The following BPHL variants were observed in gnomAD, a reference collection of about 807,000 sequenced individuals.
BPHL encodes the protein serine hydrolase BPHL.
BPHL carries 27 observed loss-of-function variants against 31.2 expected under a neutral mutation model. The observed-to-expected ratio is 0.87, with a 90% confidence interval of 0.64 to 1.19. The LOEUF (loss-of-function observed/expected upper bound fraction) is 1.19, where lower values mean the gene tolerates loss of function less well. Among genes scored for constraint, BPHL ranks in the 50% most tolerant of loss-of-function variants. BPHL has a pLI of 0.00. For missense variants in BPHL, 356 were observed against 375.7 expected (o/e 0.95, Z 0.43); for synonymous variants, 150 against 146.8 (o/e 1.02, Z -0.16).
At chr6:3,146,538 GT>G (rs2113776670) in intron 6 of BPHL, among the ~76,000 whole-genome samples, 1 of 109,912 alleles carries the variant, frequency 9.1e-6, no homozygotes, top group Non-Finnish European at 1.9e-5. Flanking sequence ...GCTGGTTTGG[GT>G]CGAGTGCTGG....
chr6:3,121,042 C>T (rs1761555447), intron 1 of BPHL, among the ~76,000 whole-genome samples: 1 of 152,158 alleles, frequency 6.6e-6, no homozygotes. Context: ...TCCTGCCTTG[C>T]AGCGTTTTTG....
intron 4 of BPHL, among the ~76,000 whole-genome samples, chr6:3,135,630 T>C (rs1308959492): frequency 6.6e-6 from 1 of 152,236 alleles, no homozygotes; most frequent in Non-Finnish European, 1.5e-5. Flanking sequence ...AGCGGACTTT[T>C]GTAAACCTCG....
At chr6:3,119,216 G>A in intron 1 of BPHL, 1 of 1,397,876 alleles carries the variant, frequency 7.2e-7, no homozygotes, top group Non-Finnish European at 9.8e-7. Flanking sequence ...GCCCTCATTA[G>A]TCCATTGCTC....
chr6:3,138,867 C>A (rs570337154), intron 5 of BPHL: 3 of 152,188 alleles, frequency 2.0e-5, no homozygotes, highest in Admixed American at 6.5e-5. Context: ...TTCAAAAATA[C>A]GTTCATGATA....
intron 2 of BPHL, among the ~76,000 whole-genome samples, chr6:3,125,577 C>T (rs1761690504): frequency 6.6e-6 from 1 of 152,046 alleles, no homozygotes; most frequent in South Asian, 2.1e-4. Flanking sequence ...GAGCAAATGC[C>T]TTCTTGTTTC....
At chr6:3,137,843 T>C (rs1429683111) in intron 5 of BPHL, among the ~76,000 whole-genome samples, 1 of 152,154 alleles carries the variant, frequency 6.6e-6, no homozygotes, top group Non-Finnish European at 1.5e-5. Flanking sequence ...AATTCGAAAA[T>C]AAATAGGCCA....
chr6:3,121,729 C>G (rs1163503819), intron 1 of BPHL, among the ~76,000 whole-genome samples: 1 of 152,178 alleles, frequency 6.6e-6, no homozygotes, highest in Non-Finnish European at 1.5e-5. Flanking sequence ...TCATTGATGC[C>G]CCTTTAATAA....
In BPHL at chr6:3,140,077, C is replaced by G; in HGVS notation, c.665-309C>G. 1 of 327,344 alleles carries G rather than the reference C, an allele frequency of 3.1e-6. No individual in the cohort carries two copies. Among genetic ancestry groups the G allele is most frequent in the Non-Finnish European group, 5.7e-6 (1 of 175,816 alleles). The allele number at this position is 327,344 out of a possible 1,614,324, so 20.3% of individuals were successfully genotyped here. On this transcript the variant is annotated intron_variant, in intron 5 of 6. Transcript: ENST00000380379. This position sits in a 1 kb window ranked among gnomAD's most constrained non-coding sequence, Gnocchi z 5.2. ...CCACTGTTTTCACGGTGGGAACCGC[C>G]ACTGTGGAATATAGTGGTGGGGTGT...
At chr6:3,139,177 G>T (rs1762098490) in intron 5 of BPHL, 1 of 152,200 alleles carries the variant, frequency 6.6e-6, no homozygotes, top group Non-Finnish European at 1.5e-5. Flanking sequence ...GGGATTAAAT[G>T]AGGTATTATC....
Position 3,129,161 on chromosome 6 carries a change from C to A in BPHL, c.495C>A (p.Asn165Lys). The change falls in exon 4 of 7, where the codon AAC becomes AAA. Residue 165 changes from asparagine (N) to lysine (K), a missense_variant. Coordinates refer to ENST00000380379, the MANE Select transcript of BPHL (RefSeq NM_004332.4). ...ACAAGATGGTGATCTGGGGCGCCAA[C>A]GCCTACGTCACTGACGAAGACAGCA... ...YIHKMVIWGA[N>K]AYVTDEDSMI... is the part of the protein sequence containing the mutation. 1 of 1,608,450 alleles carries A rather than the reference C, an allele frequency of 6.2e-7. No homozygotes were observed. Among genetic ancestry groups the A allele is most frequent in the Non-Finnish European group, 8.5e-7 (1 of 1,176,840 alleles).
chr6:3,122,220 C>G (rs1030078168), intron 1 of BPHL, among the ~76,000 whole-genome samples: 1 of 152,170 alleles, frequency 6.6e-6, no homozygotes, highest in African/African-American at 2.4e-5. Context: ...GTGGAACTTG[C>G]AGTGAGCCGA....
Position 3,123,766 on chromosome 6 carries a change from G to C in BPHL, c.211+6G>C, listed in dbSNP as rs148330342. 35 of 1,605,572 alleles carry C rather than the reference G, an allele frequency of 2.2e-5. No individual in the cohort carries two copies. The highest frequency in any genetic ancestry group is 3.0e-5 in the Non-Finnish European group (35 of 1,174,366). On this transcript the variant is annotated splice_donor_region_variant and intron_variant, in intron 2 of 6. Coordinates refer to ENST00000380379, the MANE Select transcript of BPHL (RefSeq NM_004332.4). ...GCTACTTCCTGGGATGTTAGGTCTG[G>C]GTACTTTTTAATGGAATGTTTTTGC...
chr6:3,145,583 AGTGCTGGTTTGGGTCGGAGTGCTGGTTT>A (rs1762319122), intron 6 of BPHL, among the ~76,000 whole-genome samples: 1 of 39,336 alleles, frequency 2.5e-5, no homozygotes, highest in African/African-American at 9.5e-5. Flanking sequence ...TGTGGGTCGG[AGTGCTGGTTTGGGTCGGAGTGCTGGTTT>A]GGGTCGAGTG....
intron 6 of BPHL, 98 bp from the exon 7 acceptor site, chr6:3,152,390 T>G: frequency 9.7e-7 from 1 of 1,028,914 alleles, no homozygotes; most frequent in African/African-American, 1.6e-5. Context: ...AATGTGTTAA[T>G]TTTTCACTTT....
chr6:3,137,510 G>A lies in BPHL; in HGVS notation c.664+17G>A, dbSNP rs932930061. On this transcript the variant is annotated intron_variant, in intron 5 of 6. Transcript: ENST00000380379. ...TCCCAGATGGTAGGTTACTGGGCTT[G>A]AAGGGCTCTCTGCCTGTTATAGAGG... 9 of 1,613,510 alleles carry A rather than the reference G, an allele frequency of 5.6e-6. No homozygotes were observed. Among genetic ancestry groups the A allele is most frequent in the African/African-American group, 1.3e-5 (1 of 74,770 alleles).
rs916687727 is a variant in BPHL, at chr6:3,153,097, T to C, written c.*522T>C. ...CCTCTAACTTCAATAGCTATGAAAA[T>C]TAAATCCGATTTTCTAAGATGAAGT... On this transcript the variant is annotated 3_prime_UTR_variant, in exon 7 of 7. Transcript: ENST00000380379. The C allele has an allele frequency of 3.3e-5, 5 of 152,048 alleles. No individual in the cohort carries two copies. The highest frequency in any genetic ancestry group is 4.8e-5 in the African/African-American group (2 of 41,372). 9.4% of individuals were successfully genotyped at this position (152,048 alleles called of 1,614,324 possible).
rs188022105 is a variant in BPHL at position 3,132,090 on chromosome 6, T to C, written c.532+2892T>C. 3.1e-3 allele frequency among the ~76,000 whole-genome samples: 474 copies of C among 152,264 alleles called. 8 individuals are homozygous for C. The South Asian group carries it at 0.054, about 17-fold the overall frequency. On this transcript the variant is annotated intron_variant, in intron 4 of 6. Coordinates refer to ENST00000380379, the MANE Select transcript of BPHL (RefSeq NM_004332.4). ...CTCAGTAGCGCAGCACTCTTTACTC[T>C]CTGACGTCTCGCTACTTCCCCTCCT...
In BPHL at chr6:3,149,084, A is replaced by C. The variant is rs573996134; in HGVS notation, c.789-3404A>C. Among the ~76,000 whole-genome samples, 295 of 152,344 alleles carry C rather than the reference A, an allele frequency of 1.9e-3. 2 individuals are homozygous for C. Among genetic ancestry groups the C allele is most frequent in the African/African-American group, 6.7e-3 (278 of 41,586 alleles). ...TGAATCTACTATCTCATTCATCCTC[A>C]GAATGATTCTATGGGGTAGATTCTA... On this transcript the variant is annotated intron_variant, in intron 6 of 6. Coordinates refer to ENST00000380379, the MANE Select transcript of BPHL (RefSeq NM_004332.4). This position sits in a 1 kb window ranked among gnomAD's most constrained non-coding sequence, Gnocchi z 4.6.
chr6:3,123,312 T>C lies in BPHL; in HGVS notation c.108-345T>C, dbSNP rs907897356. ...AATTCGTGCTGTTAAATGATTTTCC[T>C]CTGGGGGTGGATTTTTAAACATTTT... is the stretch of plus-strand genomic sequence containing the variant. On this transcript the variant is annotated intron_variant, in intron 1 of 6. Transcript: ENST00000380379. Among the ~76,000 whole-genome samples the C allele has an allele frequency of 2.0e-5, 3 of 152,260 alleles. No homozygotes were observed. The East Asian group carries it at 5.8e-4, about 29-fold the overall frequency.
Sources: gnomAD v4.1 joint callset for allele counts (sites outside exome capture counted in the v4.1 genomes callset) on GRCh38, gnomAD v4.1.1 for gene constraint, Gnocchi (gnomAD v3.1) non-coding constraint, MANE v1.5 for transcripts, NCBI Gene and HGNC (gene_info 2026-07-23, HGNC 2026-07-21) for gene names.